ANKRD22: variants seen among roughly 807,000 people sequenced by gnomAD.
The protein encoded by ANKRD22 is ankyrin repeat domain 22.
Under a neutral mutation model 25.7 loss-of-function variants are expected in ANKRD22, and 24 were observed. The observed-to-expected ratio is 0.93, with a 90% CI of 0.68 to 1.31. The LOEUF (loss-of-function observed/expected upper bound fraction) is 1.31. Ranked by LOEUF, ANKRD22 falls within the 50% of genes most tolerant of loss-of-function variation. The probability of loss-of-function intolerance (pLI) is 0.00; values close to 1 mark genes in which losing one functional copy is unlikely to be tolerated. For missense variants in ANKRD22, 214 were observed against 227.1 expected (o/e 0.94, Z 0.37); for synonymous variants, 84 against 84.3 (o/e 1.00, Z 0.02).
chr10:88,840,259 G>A (rs918054547), intron 1 of ANKRD22, among the ~76,000 whole-genome samples: 2 of 152,136 alleles, frequency 1.3e-5, no homozygotes, highest in Non-Finnish European at 2.9e-5. Context: ...AGAATATGAC[G>A]CATCCGGTAT....
chr10:88,825,030 C>CACACACAA (rs1485914335), intron 4 of ANKRD22, among the ~76,000 whole-genome samples: 3 of 151,790 alleles, frequency 2.0e-5, no homozygotes, highest in Admixed American at 6.6e-5. Context: ...CACACACACA[C>CACACACAA]ACACACACAC....
chr10:88,824,592 T>C (rs1843835413), intron 4 of ANKRD22, among the ~76,000 whole-genome samples: 1 of 152,204 alleles, frequency 6.6e-6, no homozygotes, highest in South Asian at 2.1e-4. Context: ...AAGTGGTGTC[T>C]GTGTGTGTAC....
Position 88,822,571 on chromosome 10 carries a change from C to T in ANKRD22, c.*370G>A, listed in dbSNP as rs1262815356. On this transcript the variant is annotated 3_prime_UTR_variant, in exon 6 of 6. Coordinates refer to ENST00000371930, the MANE Select transcript of ANKRD22 (RefSeq NM_144590.3). ...TTTTTTTTTTTTTTTTTTTTTGAGACAGGGTCTCGCTGTGTTGCCCTGGCT... is the reference window on the plus strand; with the variant it reads ...TTTTTTTTTTTTTTTTTTTTTGAGATAGGGTCTCGCTGTGTTGCCCTGGCT... The T allele has an allele frequency of 1.1e-4, 1 of 8,726 alleles. No individual in the cohort carries two copies. Among genetic ancestry groups the T allele is most frequent in the Non-Finnish European group, 2.0e-4 (1 of 4,986 alleles). The allele number at this position is 8,726 out of a possible 1,614,324, so 0.5% of individuals were successfully genotyped here.
At chr10:88,840,533 G>C (rs1013824139) in intron 1 of ANKRD22, among the ~76,000 whole-genome samples, 5 of 152,132 alleles carry the variant, frequency 3.3e-5, no homozygotes, top group African/African-American at 9.7e-5. Flanking sequence ...AGGAAAGACT[G>C]TGTAGAACTT....
intron 2 of ANKRD22, among the ~76,000 whole-genome samples, chr10:88,830,245 T>A (rs551130357): frequency 1.9e-4 from 29 of 152,344 alleles, no homozygotes; most frequent in Admixed American, 7.2e-4. Flanking sequence ...TATTGCGCTA[T>A]CAAATTGTGT....
rs990667226 is a variant in ANKRD22 at position 88,822,625 on chromosome 10, C to T, written c.*316G>A. The stretch of plus-strand genomic sequence containing the variant: ...CTCAAACTCCTGAGTTCAAGTGATC[C>T]TCCCACCTCAGCCTCCCAAGTAGCT... On this transcript the variant is annotated 3_prime_UTR_variant, in exon 6 of 6. Transcript: ENST00000371930. 1 of 158,758 alleles carries T rather than the reference C, an allele frequency of 6.3e-6. No individual in the cohort carries two copies. Among genetic ancestry groups the T allele is most frequent in the African/African-American group, 2.7e-5 (1 of 37,004 alleles). The allele number at this position is 158,758 out of a possible 1,614,324, so 9.8% of individuals were successfully genotyped here. A position where few individuals can be genotyped will look rare whatever the true frequency, so the allele number is the denominator to read the frequency against.
chr10:88,840,336 G>T (rs1331644792), intron 1 of ANKRD22, among the ~76,000 whole-genome samples: 1 of 152,102 alleles, frequency 6.6e-6, no homozygotes, highest in Non-Finnish European at 1.5e-5. Flanking sequence ...ATAATATTTT[G>T]CACTGCTCTA....
At chr10:88,838,142 C>T (rs907680712) in intron 1 of ANKRD22, among the ~76,000 whole-genome samples, 5 of 152,076 alleles carry the variant, frequency 3.3e-5, no homozygotes, top group Non-Finnish European at 7.4e-5. Context: ...TTAAAACTGT[C>T]TACATGAAAT....
At position 88,823,177 on chromosome 10, in the gene ANKRD22, A is replaced by G. The variant is rs978529812; in HGVS notation, c.498+103T>C. The G allele has an allele frequency of 4.5e-5, 56 of 1,257,724 alleles. No homozygotes were observed. The South Asian group carries it at 5.9e-4, about 13-fold the overall frequency. 77.9% of individuals were successfully genotyped at this position (1,257,724 alleles called of 1,614,324 possible). On this transcript the variant is annotated intron_variant, in intron 5 of 5. Transcript: ENST00000371930. ...TTCCTTAATGAGGATGATTAATTTT[A>G]CTGTTGTTTACGTCAGAGGCAAATA...
In ANKRD22 at chr10:88,820,614, C is replaced by T; in HGVS notation, c.*2327G>A. The T allele has an allele frequency of 9.6e-7, 1 of 1,040,898 alleles. No individual in the cohort carries two copies. The highest frequency in any genetic ancestry group is 2.6e-5 in the East Asian group (1 of 37,978). The allele number at this position is 1,040,898 out of a possible 1,614,324, so 64.5% of individuals were successfully genotyped here. A position where few individuals can be genotyped will look rare whatever the true frequency, so the allele number is the denominator to read the frequency against. On this transcript the variant is annotated 3_prime_UTR_variant, in exon 6 of 6. Transcript: ENST00000371930. Reference sequence around the variant, plus strand: ...GTATACATTTTTCAGATTCCCTGCACTTGGCACTAAATCCGACACTTACAT... The same window carrying T: ...GTATACATTTTTCAGATTCCCTGCATTTGGCACTAAATCCGACACTTACAT...
chr10:88,830,901 A>T (rs1241206369), intron 2 of ANKRD22, among the ~76,000 whole-genome samples: 2 of 152,244 alleles, frequency 1.3e-5, no homozygotes, highest in Admixed American at 1.3e-4. Context: ...ATAGTCCACG[A>T]TGTTGCATAT....
chr10:88,842,453 A>C (rs1844011244), intron 1 of ANKRD22, among the ~76,000 whole-genome samples: 1 of 151,920 alleles, frequency 6.6e-6, no homozygotes, highest in African/African-American at 2.4e-5. Context: ...TTTATAATAA[A>C]CTCTACCCAC....
chr10:88,832,013 G>A lies in ANKRD22; in HGVS notation c.35C>T (p.Ala12Val). Residue 12 changes from alanine to valine, a missense_variant, in exon 2 of 6, where the codon GCA becomes GTA. By Grantham distance (64) the Ala-to-Val change is moderately conservative. Coordinates refer to ENST00000371930, the MANE Select transcript of ANKRD22 (RefSeq NM_144590.3). The part of the protein sequence containing the change: ...GILYSEPICQ[A>V]AYQNDFGQVW... Reference sequence around the variant, plus strand: ...TTGTCCAAAGTCATTCTGATAGGCTGCTTGGCAGATGGGCTGGGTCGGGAA... The same window carrying A: ...TTGTCCAAAGTCATTCTGATAGGCTACTTGGCAGATGGGCTGGGTCGGGAA... 2 of 1,608,180 alleles carry A rather than the reference G, an allele frequency of 1.2e-6. No homozygotes were observed. Among genetic ancestry groups the A allele is most frequent in the Non-Finnish European group, 1.7e-6 (2 of 1,177,884 alleles).
In ANKRD22 at chr10:88,820,832, A is replaced by G. The variant is rs1205360478; in HGVS notation, c.*2109T>C. 6.6e-6 allele frequency among the ~76,000 whole-genome samples: 1 copy of G among 152,222 alleles called. No individual in the cohort carries two copies. The highest frequency in any genetic ancestry group is 1.9e-4 in the East Asian group (1 of 5,204). On this transcript the variant is annotated 3_prime_UTR_variant, in exon 6 of 6. Transcript: ENST00000371930. ...CTATAAGCCATATTTTTGGAGCACT[A>G]AAGTAAAATGGCAAATTGGGACAGA...
At chr10:88,848,156 ATATATATGTATATATGTG>A (rs1299635414) in intron 1 of ANKRD22, among the ~76,000 whole-genome samples, 2 of 140,016 alleles carry the variant, frequency 1.4e-5, no homozygotes, top group South Asian at 2.4e-4. Context: ...GCGTGTATAT[ATATATATGTATATATGTG>A]TATATATATA....
At chr10:88,832,110 A>G in intron 1 of ANKRD22, 84 bp from the exon 2 acceptor site, 1 of 1,353,946 alleles carries the variant, frequency 7.4e-7, no homozygotes, top group Non-Finnish European at 1.0e-6. Context: ...AACCCAATAC[A>G]TTAAAATTTA....
intron 1 of ANKRD22, among the ~76,000 whole-genome samples, chr10:88,837,198 T>C (rs1843962150): frequency 6.6e-6 from 1 of 152,216 alleles, no homozygotes; most frequent in Non-Finnish European, 1.5e-5. Flanking sequence ...CTATGTTATT[T>C]GGACAAGTTA....
At position 88,821,382 on chromosome 10, in the gene ANKRD22, T is replaced by C. The variant is rs772534990; in HGVS notation, c.*1559A>G. Reference sequence around the variant, plus strand: ...ACCATGATTTATTTCTTCAGAAAATTATTCCACTTTTACACAATTTCAAAG... The same window carrying C: ...ACCATGATTTATTTCTTCAGAAAATCATTCCACTTTTACACAATTTCAAAG... On this transcript the variant is annotated 3_prime_UTR_variant, in exon 6 of 6. Transcript: ENST00000371930. Among the ~76,000 whole-genome samples the C allele has an allele frequency of 1.3e-5, 2 of 152,258 alleles. No individual in the cohort carries two copies. Among genetic ancestry groups the C allele is most frequent in the Admixed American group, 6.5e-5 (1 of 15,294 alleles).
chr10:88,824,983 T>C (rs1343442964), intron 4 of ANKRD22, among the ~76,000 whole-genome samples: 1 of 115,328 alleles, frequency 8.7e-6, no homozygotes, highest in Non-Finnish European at 1.8e-5. Context: ...TTATTTTCTT[T>C]TGCTCTCTCT....
Sources: allele counts gnomAD v4.1 joint callset (sites outside exome capture counted in the v4.1 genomes callset), GRCh38; gene constraint gnomAD v4.1.1; transcripts MANE v1.5; gene names NCBI Gene and HGNC (gene_info 2026-07-23, HGNC 2026-07-21).